SIM1: variants seen among roughly 807,000 people sequenced by gnomAD.
The protein encoded by SIM1 is SIM bHLH transcription factor 1, also known as single-minded homolog 1.
Under a neutral mutation model 78.2 loss-of-function variants are expected in SIM1, and 18 were observed. That is an observed-to-expected ratio of 0.23 (90% CI 0.16 to 0.34). SIM1 has a LOEUF of 0.34. Among genes scored for constraint, SIM1 ranks in the 10% least tolerant of loss-of-function variants. SIM1 has a pLI of 1.00. For missense variants in SIM1, 939 were observed against 975.1 expected (o/e 0.96, Z 0.49); for synonymous variants, 417 against 385.2 (o/e 1.08, Z -0.97).
At chr6:100,420,306 C>T (rs1476591337) in intron 10 of SIM1, among the ~76,000 whole-genome samples, 3 of 152,102 alleles carry the variant, frequency 2.0e-5, no homozygotes, top group East Asian at 1.9e-4. Flanking sequence ...TCTGGAAGAC[C>T]CTCTTTATTT....
chr6:100,456,240 C>T (rs1187306140), intron 2 of SIM1, among the ~76,000 whole-genome samples: 1 of 152,186 alleles, frequency 6.6e-6, no homozygotes, highest in African/African-American at 2.4e-5. Context: ...GTCCCCCCTC[C>T]CTAAAGTCTC....
intron 10 of SIM1, among the ~76,000 whole-genome samples, chr6:100,411,859 G>T (rs1480145557): frequency 6.6e-6 from 1 of 152,050 alleles, no homozygotes; most frequent in East Asian, 1.9e-4. Context: ...GCAGAATTTT[G>T]AAAAATAGGG....
Position 100,449,514 on chromosome 6 carries a change from T to C in SIM1, c.458-66A>G, listed in dbSNP as rs575159840. 5.3e-5 allele frequency: 84 copies of C among 1,580,018 alleles called. 1 individual carries two copies. In the South Asian group the frequency reaches 8.5e-4, roughly 16 times the overall value. On this transcript the variant is annotated intron_variant, in intron 5 of 11. Coordinates refer to ENST00000369208, the MANE Select transcript of SIM1 (RefSeq NM_005068.3). ...CCGGCGGCGTGGGACAGCACGCGTC[T>C]CTGCCACGACTAATTGGGGAAAAAC... is the stretch of plus-strand genomic sequence containing the variant.
intron 9 of SIM1, among the ~76,000 whole-genome samples, chr6:100,434,529 G>A (rs3798495): frequency 0.26 from 40,056 of 152,112 alleles, 5,535 homozygotes; most frequent in East Asian, 0.4. Flanking sequence ...ACAAGAACAC[G>A]TTATAGTCAT....
rs1003359908 is a variant in SIM1, at chr6:100,443,793, G to GA, written c.998+3474dup. On this transcript the variant is annotated intron_variant, in intron 9 of 11. Transcript: ENST00000369208. ...GGCTTACTTTGAAGTGATTTAGCAG[G>GA]AAAAAAAATACACATTAAAAATAGG... Among the ~76,000 whole-genome samples, 9 of 151,744 alleles carry GA rather than the reference G, an allele frequency of 5.9e-5. No individual in the cohort carries two copies. In the South Asian group the frequency reaches 1.9e-3, roughly 32 times the overall value.
At chr6:100,416,983 A>C (rs903683830) in intron 10 of SIM1, among the ~76,000 whole-genome samples, 29 of 151,842 alleles carry the variant, frequency 1.9e-4, no homozygotes, top group African/African-American at 7.0e-4. Flanking sequence ...AGTTCTCAAA[A>C]AAAAAAAACA....
At chr6:100,461,396 G>C (rs1432999519) in intron 2 of SIM1, among the ~76,000 whole-genome samples, 1 of 152,128 alleles carries the variant, frequency 6.6e-6, no homozygotes, top group Non-Finnish European at 1.5e-5. Context: ...TTCCCTGGCC[G>C]GCCGACTCCC....
intron 3 of SIM1, among the ~76,000 whole-genome samples, chr6:100,453,348 G>A (rs949585176): frequency 2.0e-5 from 3 of 152,198 alleles, no homozygotes; most frequent in African/African-American, 7.2e-5. Flanking sequence ...GCACTGACAG[G>A]TCTTTTTACC....
intron 10 of SIM1, among the ~76,000 whole-genome samples, chr6:100,394,711 T>C (rs1359349111): frequency 6.6e-6 from 1 of 152,116 alleles, no homozygotes; most frequent in East Asian, 1.9e-4. Flanking sequence ...AGCCTACATT[T>C]TTTCTTAATT....
At chr6:100,413,425 T>C (rs1771314124) in intron 10 of SIM1, among the ~76,000 whole-genome samples, 1 of 152,222 alleles carries the variant, frequency 6.6e-6, no homozygotes, top group South Asian at 2.1e-4. Flanking sequence ...TAGCATGTCG[T>C]TGTTGGTAGG....
At chr6:100,427,124 C>T (rs1013836165) in intron 9 of SIM1, 12 of 152,144 alleles carry the variant, frequency 7.9e-5, no homozygotes, top group African/African-American at 9.7e-5. Context: ...GCAGAGTTAC[C>T]GCCTGGCCAC....
chr6:100,389,052 C>T lies in SIM1; in HGVS notation c.*1309G>A, dbSNP rs1271809623. On this transcript the variant is annotated 3_prime_UTR_variant, in exon 12 of 12. Coordinates refer to ENST00000369208, the MANE Select transcript of SIM1 (RefSeq NM_005068.3). ...CACAGAACATGAACGCTGGGGCTGC[C>T]TTACAAACCAGGAAACTAGAGCCCA... is the stretch of plus-strand genomic sequence containing the variant. 6.6e-6 allele frequency: 1 copy of T among 152,184 alleles called. No individual in the cohort carries two copies. Among genetic ancestry groups the T allele is most frequent in the Non-Finnish European group, 1.5e-5 (1 of 68,048 alleles). 9.4% of individuals were successfully genotyped at this position (152,184 alleles called of 1,614,324 possible). A position where few individuals can be genotyped will look rare whatever the true frequency, so the allele number is the denominator to read the frequency against.
intron 10 of SIM1, among the ~76,000 whole-genome samples, chr6:100,396,495 A>C (rs1770771648): frequency 1.3e-5 from 2 of 152,168 alleles, no homozygotes; most frequent in South Asian, 4.1e-4. Flanking sequence ...AAGAGCACCC[A>C]AAGAAGAATT....
At position 100,463,233 on chromosome 6, in the gene SIM1, T is replaced by C. The variant is rs137900096; in HGVS notation, c.175+61A>G. 1,234 of 1,471,216 alleles carry C rather than the reference T, an allele frequency of 8.4e-4. 6 individuals are homozygous for C. The African/African-American group carries it at 0.013, about 16-fold the overall frequency. 91.1% of individuals were successfully genotyped at this position (1,471,216 alleles called of 1,614,324 possible). On this transcript the variant is annotated intron_variant, in intron 2 of 11. Coordinates refer to ENST00000369208, the MANE Select transcript of SIM1 (RefSeq NM_005068.3). ...TTCTCTGGTCACTGATGTCGGCTCA[T>C]TGCCTGGCAAATCCCCGGCCCCTTC...
In SIM1 at chr6:100,416,278, A is replaced by G. The variant is rs77393590; in HGVS notation, c.1167+4512T>C. 5.1e-3 allele frequency among the ~76,000 whole-genome samples: 769 copies of G among 152,274 alleles called. 6 individuals are homozygous for G. The highest frequency in any genetic ancestry group is 0.017 in the African/African-American group (725 of 41,560). ...ATTCTTACAGTGGTAGCAAATTACA[A>G]TTTGTGCATGTCTTGCATATTAGTA... is the stretch of plus-strand genomic sequence containing the variant. On this transcript the variant is annotated intron_variant, in intron 10 of 11. Coordinates refer to ENST00000369208, the MANE Select transcript of SIM1 (RefSeq NM_005068.3).
At chr6:100,450,696 T>TCTCACA (rs1421452803) in intron 3 of SIM1, among the ~76,000 whole-genome samples, 986 of 91,912 alleles carry the variant, frequency 0.011, 11 homozygotes, top group Middle Eastern at 0.049. Context: ...TCTCTCTCTC[T>TCTCACA]CACACACACA....
rs112816937 is a variant in SIM1, at chr6:100,393,407, A to T, written c.1570+80T>A. 4,124 of 1,206,330 alleles carry T rather than the reference A, an allele frequency of 3.4e-3. 7 individuals are homozygous for T. The highest frequency in any genetic ancestry group is 4.1e-3 in the Non-Finnish European group (3,746 of 913,552). The allele number at this position is 1,206,330 out of a possible 1,614,324, so 74.7% of individuals were successfully genotyped here. Reference sequence around the variant, plus strand: ...AATCAAAGAAGATAACTATTTGGTCATTCACTCTAGTGTCACAATGTGATG... The same window carrying T: ...AATCAAAGAAGATAACTATTTGGTCTTTCACTCTAGTGTCACAATGTGATG... On this transcript the variant is annotated intron_variant, in intron 11 of 11. Coordinates refer to ENST00000369208, the MANE Select transcript of SIM1 (RefSeq NM_005068.3).
intron 9 of SIM1, among the ~76,000 whole-genome samples, chr6:100,431,674 A>G (rs144163497): frequency 6.6e-6 from 1 of 152,226 alleles, no homozygotes; most frequent in African/African-American, 2.4e-5. Context: ...AATACTACAC[A>G]GAATACGTAG....
At chr6:100,447,535 GGA>G (rs888449384) in intron 8 of SIM1, 120 bp from the exon 9 acceptor site, 1,245 of 1,082,234 alleles carry the variant, frequency 1.2e-3, no homozygotes, top group Non-Finnish European at 1.3e-3. Flanking sequence ...GCACCAGGCA[GGA>G]GAGAGAGAGA....
Sources: allele counts gnomAD v4.1 joint callset (sites outside exome capture counted in the v4.1 genomes callset), GRCh38; gene constraint gnomAD v4.1.1; transcripts MANE v1.5; gene names NCBI Gene and HGNC (gene_info 2026-07-23, HGNC 2026-07-21).